ZC3H12B: variants seen among roughly 807,000 people sequenced by gnomAD.
ZC3H12B encodes zinc finger CCCH-type containing 12B.
A neutral mutation model predicts 43.9 loss-of-function variants in ZC3H12B; 7 were observed. That is an observed-to-expected ratio of 0.16 (90% CI 0.09 to 0.30). ZC3H12B has a LOEUF of 0.30. ZC3H12B is among the 10% of genes least tolerant of loss of function. ZC3H12B has a pLI of 1.00. For synonymous variants in ZC3H12B, 222 were observed against 241.7 expected (o/e 0.92, Z 0.76); for missense variants, 475 against 670.2 (o/e 0.71, Z 3.22).
At chrX:65,057,506 G>A in the ZC3H12B span, among the ~76,000 whole-genome samples, 8 of 111,632 alleles carry the variant, frequency 7.2e-5, no homozygotes, top group African/African-American at 2.0e-4. Flanking sequence ...CTCTCTGGCT[G>A]CCCTTAACAT....
chrX:65,381,887 T>A (rs1389488187), intron 2 of ZC3H12B, among the ~76,000 whole-genome samples: 5 of 111,458 alleles, frequency 4.5e-5, no homozygotes, highest in Non-Finnish European at 9.4e-5. Flanking sequence ...ACATACACTC[T>A]CCCAAGACTA....
chrX:65,175,619 G>A, the ZC3H12B span, among the ~76,000 whole-genome samples: 1 of 112,122 alleles, frequency 8.9e-6, no homozygotes, highest in Non-Finnish European at 1.9e-5. Context: ...GCTCTGGTCT[G>A]CAGCTCTCAG....
the ZC3H12B span, among the ~76,000 whole-genome samples, chrX:65,152,480 T>A: frequency 4.5e-5 from 5 of 111,390 alleles, no homozygotes; most frequent in South Asian, 1.9e-3. Context: ...CATTCACAAC[T>A]TTATTCTCTT....
At chrX:65,469,228 T>C (rs1213623825) in intron 3 of ZC3H12B, 2 of 232,971 alleles carry the variant, frequency 8.6e-6, no homozygotes, top group Non-Finnish European at 1.7e-5. Flanking sequence ...AGCAACAAGC[T>C]GCAAAGGGGC....
At chrX:65,173,335 G>A in the ZC3H12B span, among the ~76,000 whole-genome samples, 1 of 111,814 alleles carries the variant, frequency 8.9e-6, no homozygotes, top group Non-Finnish European at 1.9e-5. Flanking sequence ...AGATGATGGT[G>A]TTTTCTAAAT....
intron 3 of ZC3H12B, among the ~76,000 whole-genome samples, chrX:65,445,826 G>C (rs1211697463): frequency 8.9e-6 from 1 of 112,269 alleles, no homozygotes; most frequent in African/African-American, 3.2e-5. Context: ...AAATCTACTT[G>C]TTGCTTTATT....
chrX:65,431,966 G>A (rs373789115), intron 3 of ZC3H12B, among the ~76,000 whole-genome samples: 1 of 112,049 alleles, frequency 8.9e-6, no homozygotes, highest in Non-Finnish European at 1.9e-5. Context: ...AGTGGTGCAT[G>A]TGTATCATGA....
At chrX:65,354,921 G>T in the ZC3H12B span, among the ~76,000 whole-genome samples, 3 of 111,739 alleles carry the variant, frequency 2.7e-5, no homozygotes, top group South Asian at 1.1e-3. Flanking sequence ...GAAAAAAAAT[G>T]AGAAGGAATG....
chrX:65,207,176 G>T, the ZC3H12B span, among the ~76,000 whole-genome samples: 2 of 107,216 alleles, frequency 1.9e-5, no homozygotes, highest in East Asian at 6.0e-4. Flanking sequence ...TAGAAAAAAA[G>T]AAGTCATTAT....
In ZC3H12B at chrX:65,382,003, C is replaced by A. The variant is rs867307722; in HGVS notation, n.295+13005C>A. Among the ~76,000 whole-genome samples the A allele has an allele frequency of 4.1e-3, 462 of 111,904 alleles. 3 individuals are homozygous for A. Among genetic ancestry groups the A allele is most frequent in the Non-Finnish European group, 6.2e-3 (328 of 53,190 alleles). ...AAGAGTCCAGGACCAGATGGATTCACAGCCGATTCTACCAGAGGTACAAGG... is the reference window on the plus strand; with the variant it reads ...AAGAGTCCAGGACCAGATGGATTCAAAGCCGATTCTACCAGAGGTACAAGG... On this transcript the variant is annotated intron_variant and non_coding_transcript_variant, in intron 2 of 5. Transcript: ENST00000617377.
chrX:65,427,360 G>T (rs745695325), intron 3 of ZC3H12B, among the ~76,000 whole-genome samples: 1 of 110,170 alleles, frequency 9.1e-6, no homozygotes, highest in Non-Finnish European at 1.9e-5. Context: ...AGGGTGTCTT[G>T]CTCTCTCACC....
chrX:65,393,554 G>A (rs1463072020), intron 2 of ZC3H12B, among the ~76,000 whole-genome samples: 1 of 111,694 alleles, frequency 9.0e-6, no homozygotes, highest in Non-Finnish European at 1.9e-5. Context: ...GCAGTGTTTG[G>A]TTTTGTTTCC....
At chrX:65,173,897 G>A in the ZC3H12B span, among the ~76,000 whole-genome samples, 4 of 111,153 alleles carry the variant, frequency 3.6e-5, no homozygotes, top group African/African-American at 9.8e-5. Context: ...TGATTTTTGA[G>A]ACTGATGACC....
the ZC3H12B span, among the ~76,000 whole-genome samples, chrX:65,177,692 A>G: frequency 8.9e-6 from 1 of 111,746 alleles, no homozygotes; most frequent in Non-Finnish European, 1.9e-5. Context: ...AAACTGAATA[A>G]AATACCTAGG....
chrX:65,238,538 A>G, the ZC3H12B span, among the ~76,000 whole-genome samples: 1 of 110,803 alleles, frequency 9.0e-6, no homozygotes, highest in Non-Finnish European at 1.9e-5. Context: ...AAAATACAGC[A>G]CTGGGATTCA....
chrX:65,480,777 C>T (rs986443125), intron 3 of ZC3H12B, among the ~76,000 whole-genome samples: 13 of 106,633 alleles, frequency 1.2e-4, no homozygotes, highest in Admixed American at 8.1e-4. Flanking sequence ...ACCCGGGAGG[C>T]GGAGTTTGCA....
intron 3 of ZC3H12B, among the ~76,000 whole-genome samples, chrX:65,447,515 G>A (rs2067394442): frequency 8.9e-6 from 1 of 111,795 alleles, no homozygotes; most frequent in Non-Finnish European, 1.9e-5. Flanking sequence ...AAACTCTTCT[G>A]AATGTTGGTG....
Position 65,409,532 on chromosome X carries a change from T to C in ZC3H12B, n.407+10828T>C, listed in dbSNP as rs1425420640. 5.0e-5 allele frequency among the ~76,000 whole-genome samples: 5 copies of C among 99,602 alleles called. No homozygotes were observed. In the Admixed American group the frequency reaches 5.8e-4, roughly 12 times the overall value. 86.5% of individuals were successfully genotyped at this position (99,602 alleles called of 115,157 possible). ...TTTTTGTTTGCAGACAATATGATCA[T>C]ATATTTGGAAAAACCTAAAGACTCC... On this transcript the variant is annotated intron_variant and non_coding_transcript_variant, in intron 3 of 5. Transcript: ENST00000617377.
chrX:65,361,500 A>G, the ZC3H12B span, among the ~76,000 whole-genome samples: 1 of 112,257 alleles, frequency 8.9e-6, no homozygotes, highest in Non-Finnish European at 1.9e-5. Context: ...CAAATAACAC[A>G]TGTAAGTAAG....
Sources: allele counts gnomAD v4.1 joint callset (sites outside exome capture counted in the v4.1 genomes callset), GRCh38; gene constraint gnomAD v4.1.1; transcripts MANE v1.5; gene names NCBI Gene and HGNC (gene_info 2026-07-23, HGNC 2026-07-21).